Variants in TBC1D21 observed in about 807,000 individuals in gnomAD.
TBC1D21 encodes male germ cell Rab GTPase-activating protein.
Under a neutral mutation model 46.0 loss-of-function variants are expected in TBC1D21, and 38 were observed. That is an observed-to-expected ratio of 0.83 (90% CI 0.64 to 1.08). TBC1D21 has a LOEUF of 1.08. TBC1D21 is among the 50% of genes least tolerant of loss of function. The pLI, the probability that TBC1D21 is intolerant of heterozygous loss-of-function variation, is 0.00. For missense variants in TBC1D21, 415 were observed against 417.9 expected (o/e 0.99, Z 0.06); for synonymous variants, 151 against 157.2 (o/e 0.96, Z 0.29).
chr15:73,878,801 C>T (rs1444005162), intron 1 of TBC1D21, among the ~76,000 whole-genome samples: 6 of 152,174 alleles, frequency 3.9e-5, no homozygotes, highest in African/African-American at 1.4e-4. Context: ...AAAGTTAAAG[C>T]ATTTCCTTTT....
chr15:73,877,582 T>G, intron 1 of TBC1D21, among the ~76,000 whole-genome samples: 1 of 138,516 alleles, frequency 7.2e-6, no homozygotes. Flanking sequence ...AGGCCAACAT[T>G]ACCCTGATAC....
At chr15:73,877,514 TAAAAAAAAAAAAA>T (rs541803630) in intron 1 of TBC1D21, among the ~76,000 whole-genome samples, 14,482 of 72,578 alleles carry the variant, frequency 0.2, 220 homozygotes, top group East Asian at 0.34. Flanking sequence ...TCCAGAAAAC[TAAAAAAAAAAAAA>T]AAAAAAAAAA....
chr15:73,886,015 G>T (rs1249847567), intron 6 of TBC1D21, 63 bp from the exon 7 acceptor site: 3 of 1,435,916 alleles, frequency 2.1e-6, no homozygotes, highest in Admixed American at 1.7e-5. Context: ...GGGAAGCAGA[G>T]TTGACTCTTC....
intron 1 of TBC1D21, among the ~76,000 whole-genome samples, chr15:73,878,936 G>A (rs1464378538): frequency 6.6e-6 from 1 of 152,108 alleles, no homozygotes; most frequent in Non-Finnish European, 1.5e-5. Context: ...ACAATCAGAG[G>A]GGCAGAAAGC....
At chr15:73,905,416 C>T in the TBC1D21 span, among the ~76,000 whole-genome samples, 730 of 152,252 alleles carry the variant, frequency 4.8e-3, 15 homozygotes, top group Admixed American at 0.045. Flanking sequence ...AGGGATGTGC[C>T]GACTCAGCAG....
rs1423931461 is a variant in TBC1D21 at position 73,873,621 on chromosome 15, G to C, written c.-89G>C. 1.4e-6 allele frequency: 2 copies of C among 1,449,928 alleles called. No individual in the cohort carries two copies. Among genetic ancestry groups the C allele is most frequent in the African/African-American group, 2.8e-5 (2 of 70,832 alleles). The allele number at this position is 1,449,928 out of a possible 1,614,324, so 89.8% of individuals were successfully genotyped here. On this transcript the variant is annotated 5_prime_UTR_variant, in exon 1 of 11. Transcript: ENST00000300504. ...GGTCAGGAGCAGCCAGTTCCTCCTG[G>C]GAATGCAACCCATCTCCGAAAAGGA...
chr15:73,887,806 G>A (rs989518708), intron 9 of TBC1D21, 70 bp downstream of exon 9: 1 of 1,350,374 alleles, frequency 7.4e-7, no homozygotes, highest in Non-Finnish European at 1.0e-6. Context: ...CACCCCAGCT[G>A]AAAGACCGGG....
chr15:73,888,585 C>CTCCTCCTCCTCCTCT, intron 10 of TBC1D21, 72 bp downstream of exon 10: 12 of 558,564 alleles, frequency 2.1e-5, no homozygotes, highest in Non-Finnish European at 3.4e-5. Flanking sequence ...CCTCCTCTTC[C>CTCCTCCTCCTCCTCT]TCCTCCTCCT....
At position 73,886,625 on chromosome 15, in the gene TBC1D21, G is replaced by A. The variant is rs62007098; in HGVS notation, c.777+13G>A. ...GAGGCTCTGGGAGGTGAGGTGTCCA[G>A]CTAGGGATCATCAGGCTGGGCTCCA... On this transcript the variant is annotated intron_variant, in intron 8 of 10. Coordinates refer to ENST00000300504, the MANE Select transcript of TBC1D21 (RefSeq NM_153356.3). The A allele has an allele frequency of 0.36, 575,046 of 1,610,824 alleles. 107,900 individuals are homozygous for A. The highest frequency in any genetic ancestry group is 0.46 in the Middle Eastern group (2,396 of 5,258).
chr15:73,904,319 C>T, the TBC1D21 span, among the ~76,000 whole-genome samples: 10 of 152,330 alleles, frequency 6.6e-5, no homozygotes, highest in East Asian at 1.5e-3. Context: ...CCCCAGCCCC[C>T]GCAGGCATGC....
chr15:73,884,165 C>G lies in TBC1D21; in HGVS notation c.287C>G (p.Ala96Gly). 4.3e-6 allele frequency: 7 copies of G among 1,614,166 alleles called. No individual in the cohort carries two copies. The highest frequency in any genetic ancestry group is 3.4e-6 in the Non-Finnish European group (4 of 1,179,998). Residue 96 changes from alanine to glycine, a missense_variant, in exon 4 of 11, where the codon GCC (alanine) becomes GGC (glycine). Transcript: ENST00000300504. ...TGTTCTCACAGGAAGAACTACAAGG[C>G]CTTATGCCAAATGTATGAGAAGATT... The part of the protein sequence containing the change: ...VDSMRRKNYK[A>G]LCQMYEKIQP...
At chr15:73,897,534 CCT>C in the TBC1D21 span, among the ~76,000 whole-genome samples, 1 of 152,166 alleles carries the variant, frequency 6.6e-6, no homozygotes, top group African/African-American at 2.4e-5. Flanking sequence ...TGAGCCACCT[CCT>C]CTTTCCTGTG....
chr15:73,888,236 C>A (rs912014786), intron 9 of TBC1D21, among the ~76,000 whole-genome samples, 194 bp from the exon 10 acceptor site: 1 of 152,254 alleles, frequency 6.6e-6, no homozygotes, highest in African/African-American at 2.4e-5. Flanking sequence ...TGAAAGCTAA[C>A]ATTTACCATT....
At chr15:73,898,230 C>T in the TBC1D21 span, among the ~76,000 whole-genome samples, 1 of 152,260 alleles carries the variant, frequency 6.6e-6, no homozygotes, top group Admixed American at 6.5e-5. Context: ...GCCCGTGTGG[C>T]ACAGGGTGCA....
At chr15:73,884,751 C>T in intron 4 of TBC1D21, 30 bp from the exon 5 acceptor site, 1 of 1,527,718 alleles carries the variant, frequency 6.5e-7, no homozygotes, top group Non-Finnish European at 9.1e-7. Flanking sequence ...TGATCTGGTG[C>T]CACCTACTTG....
rs1196592678 is a variant in TBC1D21 at position 73,884,806 on chromosome 15, C to T, written c.393C>T (p.Asp131=). 1.9e-6 allele frequency: 3 copies of T among 1,613,970 alleles called. No homozygotes were observed. Among genetic ancestry groups the T allele is most frequent in the African/African-American group, 2.7e-5 (2 of 74,914 alleles). Residue 131 remains aspartate (D), a synonymous_variant, in exon 5 of 11, where the codon GAC becomes GAT. Transcript: ENST00000300504. ...NIARDIQKIY[D]KDPLGNVLID... ...CACGTGACATTCAGAAAATCTATGA[C>T]AAAGATCCCCTGGGCAACGTCCTCA... is the stretch of plus-strand genomic sequence containing the variant.
At chr15:73,896,825 C>G in the TBC1D21 span, among the ~76,000 whole-genome samples, 1 of 152,192 alleles carries the variant, frequency 6.6e-6, no homozygotes, top group African/African-American at 2.4e-5. Context: ...ATCCCAGCCC[C>G]CATTAGTCCT....
chr15:73,874,339 A>C (rs1167908577), intron 1 of TBC1D21, among the ~76,000 whole-genome samples: 2 of 152,244 alleles, frequency 1.3e-5, no homozygotes, highest in African/African-American at 4.8e-5. Context: ...GCTTTATGGC[A>C]AATTATCACC....
chr15:73,909,132 G>A, the TBC1D21 span, among the ~76,000 whole-genome samples: 1 of 152,224 alleles, frequency 6.6e-6, no homozygotes, highest in African/African-American at 2.4e-5. Context: ...AGCACTTTGG[G>A]AGGCCAAGGC....
Sources: gnomAD v4.1 joint callset for allele counts (sites outside exome capture counted in the v4.1 genomes callset) on GRCh38, gnomAD v4.1.1 for gene constraint, MANE v1.5 for transcripts, NCBI Gene and HGNC (gene_info 2026-07-23, HGNC 2026-07-21) for gene names.